The following PCLO variants were observed in gnomAD, a reference collection of about 807,000 sequenced individuals.
PCLO encodes the protein protein piccolo.
PCLO carries 82 observed loss-of-function variants against 427.5 expected under a neutral mutation model. The observed-to-expected ratio is 0.19, with a 90% CI of 0.16 to 0.23. The LOEUF is 0.23. Ranked by LOEUF, PCLO falls within the 10% of genes least tolerant of loss-of-function variation. PCLO has a pLI of 1.00. For missense variants in PCLO, 6,239 were observed against 6,115.9 expected (o/e 1.02, Z -0.67); for synonymous variants, 2,357 against 2,155.4 (o/e 1.09, Z -2.59).
intron 21 of PCLO, 31 bp downstream of exon 21, chr7:82,805,657 G>A: frequency 1.2e-6 from 2 of 1,605,838 alleles, no homozygotes; most frequent in Non-Finnish European, 1.7e-6. Flanking sequence ...TGCTGAGTAA[G>A]CTTTGTAGTA....
At chr7:83,066,778 G>C (rs1017400380) in intron 3 of PCLO, among the ~76,000 whole-genome samples, 3 of 151,940 alleles carry the variant, frequency 2.0e-5, no homozygotes, top group Admixed American at 6.6e-5. Flanking sequence ...TGGGGCAGAA[G>C]GAAAAATAAA....
At chr7:82,901,718 C>A (rs1393535186) in intron 9 of PCLO, among the ~76,000 whole-genome samples, 3 of 152,024 alleles carry the variant, frequency 2.0e-5, no homozygotes, top group East Asian at 3.9e-4. Flanking sequence ...CGAACTCAAA[C>A]AAATTTACAA....
At position 82,758,598 on chromosome 7, in the gene PCLO, C is replaced by A. The variant is rs746264242; in HGVS notation, c.15406G>T (p.Val5136Phe). 1.2e-6 allele frequency: 2 copies of A among 1,611,644 alleles called. No homozygotes were observed. Among genetic ancestry groups the A allele is most frequent in the South Asian group, 1.1e-5 (1 of 90,986 alleles). Residue 5136 changes from valine to phenylalanine, a missense_variant, in exon 25 of 25, where the codon GTC becomes TTC. Val to Phe is a conservative substitution (Grantham distance 50). Coordinates refer to ENST00000333891, the MANE Select transcript of PCLO (RefSeq NM_033026.6). ...CTTCAATGCGTTTGAGTAGGACTGA[C>A]CAAAAGTTTGTGCCAGTTGACTATT... ...KRIVNWHKLL[V>F]SPTQTH is the part of the protein sequence containing the mutation.
In PCLO at chr7:83,155,687, C is replaced by T; in HGVS notation, c.954G>A (p.Gln318=). Residue 318 remains glutamine (Q), a synonymous_variant, in exon 2 of 25, where the codon CAG becomes CAA. Transcript: ENST00000333891. ...QPTPGKPPAQ[Q]PGHEKSQPGP... is the part of the protein sequence containing the mutation. Reference sequence around the variant, plus strand: ...CAGGCTGTGATTTTTCATGTCCAGGCTGCTGTGCTGGAGGTTTTCCAGGAG... The same window carrying T: ...CAGGCTGTGATTTTTCATGTCCAGGTTGCTGTGCTGGAGGTTTTCCAGGAG... 3 of 1,613,968 alleles carry T rather than the reference C, an allele frequency of 1.9e-6. No individual in the cohort carries two copies. Among genetic ancestry groups the T allele is most frequent in the Non-Finnish European group, 2.5e-6 (3 of 1,179,882 alleles).
At chr7:82,814,365 G>C (rs1394611891) in intron 20 of PCLO, among the ~76,000 whole-genome samples, 2 of 151,466 alleles carry the variant, frequency 1.3e-5, no homozygotes, top group Non-Finnish European at 3.0e-5. Context: ...AACATGTTTT[G>C]GAAGAAGTCC....
rs373995244 is a variant in PCLO, at chr7:82,955,379, T to C, written c.5574A>G (p.Glu1858=). 5.6e-6 allele frequency: 9 copies of C among 1,613,724 alleles called. No individual in the cohort carries two copies. The African/African-American group carries it at 9.3e-5, about 17-fold the overall frequency. ...MEELHRSSCS[E]YSPSIESDPE... ...GGTCTGACTCTATGCTAGGTGAATA[T>C]TCAGAACAAGAAGATCTATGGAGCT... is the stretch of plus-strand genomic sequence containing the variant. Residue 1858 remains glutamate (E), a synonymous_variant, in exon 5 of 25, where the codon GAA becomes GAG. Transcript: ENST00000333891.
intron 3 of PCLO, among the ~76,000 whole-genome samples, chr7:83,035,867 A>G (rs1788781151): frequency 6.6e-6 from 1 of 152,170 alleles, no homozygotes; most frequent in African/African-American, 2.4e-5. Flanking sequence ...CAGTAACTCC[A>G]CAAGGTTAGC....
intron 20 of PCLO, among the ~76,000 whole-genome samples, chr7:82,812,696 T>C (rs905950432): frequency 6.6e-6 from 1 of 151,560 alleles, no homozygotes; most frequent in Non-Finnish European, 1.5e-5. Flanking sequence ...GCAAATACAA[T>C]AATGATCTTT....
At chr7:82,973,568 T>C (rs1795952810) in intron 3 of PCLO, among the ~76,000 whole-genome samples, 4 of 151,722 alleles carry the variant, frequency 2.6e-5, no homozygotes, top group Admixed American at 6.6e-5. Context: ...AGAGTTATCA[T>C]TCCTAGGTAA....
At chr7:82,932,369 A>C (rs1794859032) in intron 6 of PCLO, among the ~76,000 whole-genome samples, 2 of 152,266 alleles carry the variant, frequency 1.3e-5, no homozygotes, top group South Asian at 4.1e-4. Flanking sequence ...ACCTTGGATC[A>C]TAAAAGCGGT....
intron 3 of PCLO, among the ~76,000 whole-genome samples, chr7:83,076,643 G>GTTT (rs200052422): frequency 0.033 from 4,471 of 133,936 alleles, 228 homozygotes; most frequent in African/African-American, 0.12. Context: ...TTTTTTTGCA[G>GTTT]TTTTTTTTTA....
chr7:83,056,044 T>C (rs1206204418), intron 3 of PCLO, among the ~76,000 whole-genome samples: 1 of 152,140 alleles, frequency 6.6e-6, no homozygotes, highest in Non-Finnish European at 1.5e-5. Flanking sequence ...TACATTTTTA[T>C]GGGATACATG....
At chr7:82,853,155 A>G (rs564856863) in intron 10 of PCLO, among the ~76,000 whole-genome samples, 58 of 152,216 alleles carry the variant, frequency 3.8e-4, no homozygotes, top group Non-Finnish European at 7.1e-4. Context: ...TGAAGAGCTA[A>G]TCTCATAATA....
intron 9 of PCLO, chr7:82,880,392 A>T (rs754092660): frequency 2.5e-6 from 1 of 407,064 alleles, no homozygotes; most frequent in South Asian, 1.8e-5. Context: ...CAAATAATGA[A>T]ATATTTGAAT....
intron 21 of PCLO, among the ~76,000 whole-genome samples, chr7:82,802,358 C>T (rs966428884): frequency 6.6e-6 from 1 of 152,062 alleles, no homozygotes; most frequent in Admixed American, 6.6e-5. Flanking sequence ...TAGGCATGCT[C>T]GTAGTAGCCT....
Position 82,941,298 on chromosome 7 carries a change from C to A in PCLO, c.11112+8178G>T, listed in dbSNP as rs180942034. ...ACTGTCTATAGTCACCTACTATGTA[C>A]CCACATTTTTAAAAAATAACTTAAA... On this transcript the variant is annotated intron_variant, in intron 6 of 24. Transcript: ENST00000333891. 2.4e-4 allele frequency among the ~76,000 whole-genome samples: 37 copies of A among 152,148 alleles called. 1 individual carries two copies. The East Asian group carries it at 6.6e-3, about 27-fold the overall frequency.
At chr7:83,142,579 C>T (rs761988134) in intron 2 of PCLO, among the ~76,000 whole-genome samples, 3 of 152,150 alleles carry the variant, frequency 2.0e-5, no homozygotes, top group African/African-American at 4.8e-5. Flanking sequence ...CATTATACCC[C>T]GAACCACAGC....
chr7:82,966,312 T>G lies in PCLO; in HGVS notation c.3476A>C (p.Lys1159Thr). Residue 1159 changes from lysine to threonine, a missense_variant, in exon 4 of 25, where the codon AAG becomes ACG. Lys to Thr is a moderately conservative substitution (Grantham distance 78, BLOSUM62 -1). Transcript: ENST00000333891. ...TTCCGTTTTTACTTCTTGTTCTTGC[T>G]TTTTCACTAATTTTACTTGGGGAGG... Reference protein sequence around the residue: ...AVPPQVKLVKKQEQEVKTEAE... With the variant: ...AVPPQVKLVKTQEQEVKTEAE... The G allele has an allele frequency of 6.2e-7, 1 of 1,613,838 alleles. No individual in the cohort carries two copies. The highest frequency in any genetic ancestry group is 1.1e-5 in the South Asian group (1 of 91,042).
At chr7:83,053,530 G>C (rs1789303171) in intron 3 of PCLO, among the ~76,000 whole-genome samples, 1 of 151,910 alleles carries the variant, frequency 6.6e-6, no homozygotes, top group African/African-American at 2.4e-5. Context: ...TGGTAGTAAG[G>C]TGTGATGGAA....
Sources: gnomAD v4.1 joint callset for allele counts (sites outside exome capture counted in the v4.1 genomes callset) on GRCh38, gnomAD v4.1.1 for gene constraint, MANE v1.5 for transcripts, NCBI Gene and HGNC (gene_info 2026-07-23, HGNC 2026-07-21) for gene names.